UFM1: variants seen among roughly 807,000 people sequenced by gnomAD.
UFM1 encodes the protein ubiquitin fold modifier 1, also known as ubiquitin-fold modifier 1.
Under a neutral mutation model 15.4 loss-of-function variants are expected in UFM1, and 9 were observed. The observed-to-expected ratio is 0.59, with a 90% CI of 0.35 to 1.02. The LOEUF (loss-of-function observed/expected upper bound fraction) is 1.02. Ranked by LOEUF, UFM1 falls within the 50% of genes least tolerant of loss-of-function variation. The probability of loss-of-function intolerance (pLI) is 0.02; values close to 1 mark genes in which losing one functional copy is unlikely to be tolerated. For synonymous variants in UFM1, 27 were observed against 36.3 expected (o/e 0.74, Z 0.92); for missense variants, 98 against 104.7 (o/e 0.94, Z 0.28).
rs1238264742 is a variant in UFM1, at chr13:38,353,576, C to T, written c.60-663C>T. 2.0e-5 allele frequency among the ~76,000 whole-genome samples: 3 copies of T among 151,844 alleles called. No homozygotes were observed. In the East Asian group the frequency reaches 5.8e-4, roughly 29 times the overall value. On this transcript the variant is annotated intron_variant, in intron 2 of 5. Transcript: ENST00000239878. Reference sequence around the variant, plus strand: ...ATATTTATTCATGATCTTTAAAATACTTGCCGTTATATGAGTCAGTTAACA... The same window carrying T: ...ATATTTATTCATGATCTTTAAAATATTTGCCGTTATATGAGTCAGTTAACA...
chr13:38,358,071 A>ATAT lies in UFM1; in HGVS notation c.118-21_118-20insATT, dbSNP rs71215987. The ATAT allele has an allele frequency of 1.9e-3, 1,065 of 554,808 alleles. 12 individuals are homozygous for ATAT. The African/African-American group carries it at 0.023, about 12-fold the overall frequency. The allele number at this position is 554,808 out of a possible 1,614,324, so 34.4% of individuals were successfully genotyped here. A position where few individuals can be genotyped will look rare whatever the true frequency, so the allele number is the denominator to read the frequency against. On this transcript the variant is annotated intron_variant, in intron 3 of 5. Coordinates refer to ENST00000239878, the MANE Select transcript of UFM1 (RefSeq NM_016617.4). ...TGTGTGTGTGTGTATATATATATAT[A>ATAT]TTTTTTTTTCCTTCTATTTAGTTTA...
Position 38,349,876 on chromosome 13 carries a change from C to T in UFM1, c.-44C>T. ...AGCACACTAGAGGAAGTCGTGCTAC[C>T]CCCGCGGAGTTGTCGTGTGTTCTGG... is the stretch of plus-strand genomic sequence containing the variant. On this transcript the variant is annotated 5_prime_UTR_variant, in exon 1 of 6. Transcript: ENST00000239878. 1 of 1,614,084 alleles carries T rather than the reference C, an allele frequency of 6.2e-7. No homozygotes were observed. Among genetic ancestry groups the T allele is most frequent in the Non-Finnish European group, 8.5e-7 (1 of 1,180,034 alleles).
At chr13:38,356,559 A>G (rs1879104548) in intron 3 of UFM1, among the ~76,000 whole-genome samples, 1 of 151,650 alleles carries the variant, frequency 6.6e-6, no homozygotes. Flanking sequence ...AGGTATGTTT[A>G]AGGCCTTATT....
At position 38,350,279 on chromosome 13, in the gene UFM1, G is replaced by A. The variant is rs1048870044; in HGVS notation, c.59+224G>A. On this transcript the variant is annotated intron_variant, in intron 2 of 5. Coordinates refer to ENST00000239878, the MANE Select transcript of UFM1 (RefSeq NM_016617.4). The stretch of plus-strand genomic sequence containing the variant: ...CTTGGCAGCTTGGCCCCGTCACGAG[G>A]GTGTGGGTGTGTTTCTGATTAGTGA... 11 of 1,536,596 alleles carry A rather than the reference G, an allele frequency of 7.2e-6. No individual in the cohort carries two copies. In the Admixed American group the frequency reaches 2.1e-4, roughly 30 times the overall value.
At chr13:38,350,278 G>A (rs537711805) in intron 2 of UFM1, 775 of 1,536,926 alleles carry the variant, frequency 5.0e-4, no homozygotes, top group Non-Finnish European at 6.6e-4. Context: ...CCCGTCACGA[G>A]GGTGTGGGTG....
chr13:38,361,222 A>G lies in UFM1; in HGVS notation c.*444A>G, dbSNP rs1233253548. ...TTGCAGACTCATAATTTGATTTTTAATTAAATATATAGGTTGTGATGAAGT... is the reference window on the plus strand; with the variant it reads ...TTGCAGACTCATAATTTGATTTTTAGTTAAATATATAGGTTGTGATGAAGT... On this transcript the variant is annotated 3_prime_UTR_variant, in exon 6 of 6. Coordinates refer to ENST00000239878, the MANE Select transcript of UFM1 (RefSeq NM_016617.4). 6.5e-6 allele frequency: 1 copy of G among 152,778 alleles called. No homozygotes were observed. The highest frequency in any genetic ancestry group is 1.9e-4 in the East Asian group (1 of 5,214). 9.5% of individuals were successfully genotyped at this position (152,778 alleles called of 1,614,324 possible). A position where few individuals can be genotyped will look rare whatever the true frequency, so the allele number is the denominator to read the frequency against.
rs944185229 is a variant in UFM1 at position 38,360,606 on chromosome 13, C to T, written c.191-105C>T. ...TCTCATGATGCTTGAGCTTTTGTAC[C>T]CATTTTACTGTTTACTAAATCATTT... On this transcript the variant is annotated intron_variant, in intron 5 of 5. Coordinates refer to ENST00000239878, the MANE Select transcript of UFM1 (RefSeq NM_016617.4). The T allele has an allele frequency of 1.2e-5, 10 of 821,934 alleles. No homozygotes were observed. The African/African-American group carries it at 1.6e-4, about 13-fold the overall frequency. 50.9% of individuals were successfully genotyped at this position (821,934 alleles called of 1,614,324 possible).
chr13:38,351,750 G>A (rs1232688620), intron 2 of UFM1, among the ~76,000 whole-genome samples: 1 of 152,196 alleles, frequency 6.6e-6, no homozygotes, highest in African/African-American at 2.4e-5. Context: ...AACATTAAGA[G>A]CCTGGAACAT....
chr13:38,360,332 T>A (rs1879312576), intron 5 of UFM1, among the ~76,000 whole-genome samples: 2 of 152,062 alleles, frequency 1.3e-5, no homozygotes, highest in Non-Finnish European at 2.9e-5. Flanking sequence ...GAAAATCTCA[T>A]CAGGCAATTG....
Position 38,358,127 on chromosome 13 carries a change from C to T in UFM1, c.152C>T (p.Thr51Ile). 1 of 1,436,324 alleles carries T rather than the reference C, an allele frequency of 7.0e-7. No individual in the cohort carries two copies. Among genetic ancestry groups the T allele is most frequent in the Non-Finnish European group, 9.3e-7 (1 of 1,078,438 alleles). The allele number at this position is 1,436,324 out of a possible 1,614,324, so 89.0% of individuals were successfully genotyped here. The change falls in exon 4 of 6, where the codon ACC (threonine) becomes ATC (isoleucine). Residue 51 changes from threonine to isoleucine, a missense_variant. Coordinates refer to ENST00000239878, the MANE Select transcript of UFM1 (RefSeq NM_016617.4). ...KVPAATSAII[T>I]NDGIGINPAQ... ...CCTGCTGCAACAAGTGCAATTATTA[C>T]CAATGGTAAGAATTCACTATAAAAT...
At chr13:38,355,672 G>A (rs1046894332) in intron 3 of UFM1, among the ~76,000 whole-genome samples, 2 of 151,790 alleles carry the variant, frequency 1.3e-5, no homozygotes, top group African/African-American at 4.8e-5. Flanking sequence ...GCTTACAGTA[G>A]AGTAAGCTAC....
chr13:38,360,689 T>C (rs773054505), intron 5 of UFM1, 22 bp from the exon 6 acceptor site: 3 of 1,558,164 alleles, frequency 1.9e-6, no homozygotes, highest in Non-Finnish European at 1.8e-6. Flanking sequence ...TATCTAACTT[T>C]ATGTTTTGTT....
chr13:38,357,205 T>A (rs1035945177), intron 3 of UFM1, among the ~76,000 whole-genome samples: 9 of 151,944 alleles, frequency 5.9e-5, no homozygotes, highest in Non-Finnish European at 1.2e-4. Flanking sequence ...ATGTAAGGAA[T>A]ACAAGCCTTG....
chr13:38,359,104 T>C (rs961767566), intron 4 of UFM1, among the ~76,000 whole-genome samples, 197 bp from the exon 5 acceptor site: 2 of 152,036 alleles, frequency 1.3e-5, no homozygotes, highest in East Asian at 1.9e-4. Context: ...AACCCAGCAA[T>C]GTGTATGAAT....
chr13:38,350,320 C>T, intron 2 of UFM1: 5 of 1,357,180 alleles, frequency 3.7e-6, no homozygotes, highest in Non-Finnish European at 5.1e-6. Context: ...CCTCGGAATT[C>T]ATTTGGTGGG....
chr13:38,350,229 T>G (rs200144982), intron 2 of UFM1, 174 bp downstream of exon 2: 6 of 1,606,368 alleles, frequency 3.7e-6, no homozygotes, highest in Non-Finnish European at 4.2e-6. Context: ...CGAGGAGAGG[T>G]CCGTACTTGC....
At chr13:38,353,959 T>C (rs979526995) in intron 2 of UFM1, among the ~76,000 whole-genome samples, 2 of 152,082 alleles carry the variant, frequency 1.3e-5, no homozygotes, top group Non-Finnish European at 2.9e-5. Flanking sequence ...TAGACTTACA[T>C]GTATGAAAGT....
At chr13:38,359,900 A>T (rs1460706741) in intron 5 of UFM1, 1 of 180,340 alleles carries the variant, frequency 5.5e-6, no homozygotes, top group Non-Finnish European at 1.2e-5. Flanking sequence ...TTATATTTTT[A>T]AAATGTAATC....
rs1468467357 is a variant in UFM1, at chr13:38,362,282, A to G, written c.*1504A>G. 3.3e-5 allele frequency: 5 copies of G among 152,190 alleles called. No homozygotes were observed. The highest frequency in any genetic ancestry group is 5.9e-5 in the Non-Finnish European group (4 of 68,036). The allele number at this position is 152,190 out of a possible 1,614,324, so 9.4% of individuals were successfully genotyped here. A position where few individuals can be genotyped will look rare whatever the true frequency, so the allele number is the denominator to read the frequency against. On this transcript the variant is annotated 3_prime_UTR_variant, in exon 6 of 6. Transcript: ENST00000239878. ...ATAGGCCCTAAGTTCATTGGGGGAA[A>G]AAAAATAAGAAGATTCAACAGAATC...
Sources: gnomAD v4.1 joint callset for allele counts (sites outside exome capture counted in the v4.1 genomes callset) on GRCh38, gnomAD v4.1.1 for gene constraint, MANE v1.5 for transcripts, NCBI Gene and HGNC (gene_info 2026-07-23, HGNC 2026-07-21) for gene names.